The following IMMP2L variants were observed in gnomAD, a reference collection of about 807,000 sequenced individuals.
IMMP2L encodes inner mitochondrial membrane peptidase subunit 2, also known as mitochondrial inner membrane protease subunit 2.
Under a neutral mutation model 19.3 loss-of-function variants are expected in IMMP2L, and 18 were observed. The ratio of observed to expected loss-of-function variants is 0.93; its 90% CI spans 0.64 to 1.38. The LOEUF (loss-of-function observed/expected upper bound fraction) is 1.38. Among genes scored for constraint, IMMP2L ranks in the 40% most tolerant of loss-of-function variants. The probability of loss-of-function intolerance (pLI) is 0.00; values close to 1 mark genes in which losing one functional copy is unlikely to be tolerated. For missense variants in IMMP2L, 233 were observed against 218.2 expected (o/e 1.07, Z -0.43); for synonymous variants, 76 against 73.0 (o/e 1.04, Z -0.21).
chr7:111,178,058 A>C (rs970764136), intron 3 of IMMP2L, among the ~76,000 whole-genome samples: 3 of 152,048 alleles, frequency 2.0e-5, no homozygotes, highest in Non-Finnish European at 4.4e-5. Context: ...ACATATACAT[A>C]CTTTTAAGAA....
chr7:110,861,114 A>T (rs1375787432), intron 5 of IMMP2L, among the ~76,000 whole-genome samples: 5 of 125,684 alleles, frequency 4.0e-5, no homozygotes, highest in African/African-American at 1.3e-4. Context: ...AGAGAGAGAG[A>T]GAGAGAGAGA....
chr7:110,686,970 G>A (rs531737741), intron 5 of IMMP2L, among the ~76,000 whole-genome samples: 1 of 152,046 alleles, frequency 6.6e-6, no homozygotes, highest in East Asian at 1.9e-4. Context: ...AACCATCACA[G>A]TATTATGCCC....
In IMMP2L at chr7:110,913,058, GT is replaced by G. The variant is rs146086785; in HGVS notation, c.306-26364del. 3.8e-4 allele frequency among the ~76,000 whole-genome samples: 58 copies of G among 152,216 alleles called. No homozygotes were observed. The East Asian group carries it at 9.8e-3, about 26-fold the overall frequency. ...ACCCTGGGAACAATAAACTTTGGAG[GT>G]TGTAGTTTCCATGCTTTGTTGTCAA... On this transcript the variant is annotated intron_variant, in intron 4 of 5. Coordinates refer to ENST00000405709, the MANE Select transcript of IMMP2L (RefSeq NM_032549.4).
chr7:111,201,338 A>C (rs965813847), intron 3 of IMMP2L, among the ~76,000 whole-genome samples: 1 of 152,002 alleles, frequency 6.6e-6, no homozygotes, highest in Non-Finnish European at 1.5e-5. Flanking sequence ...TTTTTTGAGA[A>C]TTATAATATA....
chr7:111,403,246 A>G (rs1833623018), intron 3 of IMMP2L, among the ~76,000 whole-genome samples: 1 of 151,654 alleles, frequency 6.6e-6, no homozygotes, highest in South Asian at 2.1e-4. Context: ...AAATTGTTTA[A>G]TAGGTCCTCC....
chr7:110,667,576 T>C (rs969449668), intron 5 of IMMP2L, among the ~76,000 whole-genome samples: 12 of 152,126 alleles, frequency 7.9e-5, no homozygotes, highest in Admixed American at 3.9e-4. Flanking sequence ...TTCAAAGAGA[T>C]TTGAAAATGC....
At chr7:111,087,891 C>A (rs1185910767) in intron 3 of IMMP2L, among the ~76,000 whole-genome samples, 2 of 152,128 alleles carry the variant, frequency 1.3e-5, no homozygotes, top group Non-Finnish European at 2.9e-5. Context: ...TATTTCAGCA[C>A]TTTTCTAAAC....
intron 3 of IMMP2L, among the ~76,000 whole-genome samples, chr7:111,375,102 T>G (rs930076520): frequency 6.6e-6 from 1 of 152,056 alleles, no homozygotes; most frequent in African/African-American, 2.4e-5. Flanking sequence ...TCACTGATTA[T>G]TAACTCAGCA....
chr7:110,765,631 T>C (rs1269416099), intron 5 of IMMP2L, among the ~76,000 whole-genome samples: 1 of 152,184 alleles, frequency 6.6e-6, no homozygotes, highest in East Asian at 1.9e-4. Context: ...CTACTGGAAA[T>C]CATTCACTCA....
chr7:110,846,347 TC>T (rs1477983579), intron 5 of IMMP2L, among the ~76,000 whole-genome samples: 16 of 123,808 alleles, frequency 1.3e-4, no homozygotes, highest in Non-Finnish European at 2.5e-4. Context: ...AACCCTGATT[TC>T]TTTTTTTTTT....
intron 3 of IMMP2L, among the ~76,000 whole-genome samples, chr7:111,265,246 G>T (rs1817705155): frequency 6.6e-6 from 1 of 152,090 alleles, no homozygotes; most frequent in South Asian, 2.1e-4. Flanking sequence ...CATAGAATAG[G>T]CTATATTACT....
rs10216023 is a variant in IMMP2L, at chr7:111,188,872, G to A, written c.240-225307C>T. 9.4e-3 allele frequency among the ~76,000 whole-genome samples: 1,433 copies of A among 152,102 alleles called. 25 individuals carry two copies. The highest frequency in any genetic ancestry group is 0.032 in the African/African-American group (1,328 of 41,484). On this transcript the variant is annotated intron_variant, in intron 3 of 5. Transcript: ENST00000405709. ...TACAGAATAACATCTTTTTCAATAGGAAGATTTCCTACCTAATATGATCTT... is the reference window on the plus strand; with the variant it reads ...TACAGAATAACATCTTTTTCAATAGAAAGATTTCCTACCTAATATGATCTT...
chr7:111,212,433 A>C (rs573337824), intron 3 of IMMP2L, among the ~76,000 whole-genome samples: 48 of 152,176 alleles, frequency 3.2e-4, no homozygotes, highest in African/African-American at 1.1e-3. Flanking sequence ...ATGTGGCAAA[A>C]GCCTGTCTCT....
rs370191216 is a variant in IMMP2L, at chr7:111,348,650, C to T, written c.239+138588G>A. Among the ~76,000 whole-genome samples, 9 of 152,168 alleles carry T rather than the reference C, an allele frequency of 5.9e-5. No individual in the cohort carries two copies. The East Asian group carries it at 7.7e-4, about 13-fold the overall frequency. ...TACGAATAAGATCATTGCTTCCAAA[C>T]GTTTTTAAAATACTCCCAATGGTAT... On this transcript the variant is annotated intron_variant, in intron 3 of 5. Transcript: ENST00000405709.
intron 4 of IMMP2L, among the ~76,000 whole-genome samples, chr7:110,955,231 A>G (rs974991228): frequency 2.6e-5 from 4 of 151,970 alleles, no homozygotes; most frequent in Admixed American, 2.6e-4. Context: ...ATAGTATGGA[A>G]AATAATCCAC....
intron 4 of IMMP2L, among the ~76,000 whole-genome samples, chr7:110,952,297 C>T (rs2129554290): frequency 6.6e-6 from 1 of 152,262 alleles, no homozygotes; most frequent in East Asian, 1.9e-4. Flanking sequence ...CCCATTTATG[C>T]TAGAGTTTGC....
intron 5 of IMMP2L, among the ~76,000 whole-genome samples, chr7:110,703,849 A>AT (rs563168916): frequency 1.6e-3 from 234 of 146,180 alleles, no homozygotes; most frequent in Middle Eastern, 7.2e-3. Context: ...TAAGAGAATA[A>AT]TTTTTTTTTT....
At chr7:111,396,877 G>A (rs1832924852) in intron 3 of IMMP2L, among the ~76,000 whole-genome samples, 1 of 152,006 alleles carries the variant, frequency 6.6e-6, no homozygotes, top group Admixed American at 6.5e-5. Flanking sequence ...AAGGTCAGGA[G>A]ATTGAGACCA....
chr7:111,450,694 C>A (rs945720934), intron 3 of IMMP2L, among the ~76,000 whole-genome samples: 30 of 150,770 alleles, frequency 2.0e-4, no homozygotes, highest in African/African-American at 3.9e-4. Flanking sequence ...GCAACCAAAG[C>A]CAAAATTGAC....
Sources: allele counts gnomAD v4.1 joint callset (sites outside exome capture counted in the v4.1 genomes callset), GRCh38; gene constraint gnomAD v4.1.1; transcripts MANE v1.5; gene names NCBI Gene and HGNC (gene_info 2026-07-23, HGNC 2026-07-21).